Variants in DNM3 observed in about 807,000 individuals in gnomAD.
DNM3 encodes the protein dynamin 3.
Under a neutral mutation model 101.6 loss-of-function variants are expected in DNM3, and 47 were observed. The ratio of observed to expected loss-of-function variants is 0.46; its 90% CI spans 0.37 to 0.59. DNM3 has a LOEUF of 0.59. Among genes scored for constraint, DNM3 ranks in the 20% least tolerant of loss-of-function variants. The pLI is 0.00. For missense variants in DNM3, 849 were observed against 1,085.7 expected, an observed-to-expected ratio of 0.78 and a Z score of 3.06; for synonymous variants, 385 against 387.9, an observed-to-expected ratio of 0.99 and a Z score of 0.09.
At chr1:171,880,986 A>T (rs2036222594) in intron 1 of DNM3, among the ~76,000 whole-genome samples, 1 of 152,008 alleles carries the variant, frequency 6.6e-6, no homozygotes, top group Non-Finnish European at 1.5e-5. Context: ...TTTTGTGGCT[A>T]ATTTATTGGA....
intron 1 of DNM3, among the ~76,000 whole-genome samples, chr1:171,912,215 CA>C (rs1404989100): frequency 1.3e-5 from 2 of 151,914 alleles, no homozygotes. Flanking sequence ...CCCAACAGGG[CA>C]AAAACTGGTT....
intron 13 of DNM3, among the ~76,000 whole-genome samples, chr1:172,105,437 C>T (rs1315961786): frequency 1.3e-5 from 2 of 152,206 alleles, no homozygotes; most frequent in African/African-American, 2.4e-5. Flanking sequence ...GAACTCTTAA[C>T]CTAGAGTCCA....
At chr1:172,355,240 GAC>G (rs139153206) in intron 17 of DNM3, among the ~76,000 whole-genome samples, 1 of 150,528 alleles carries the variant, frequency 6.6e-6, no homozygotes, top group Non-Finnish European at 1.5e-5. Flanking sequence ...CATTTAAAAG[GAC>G]ACACACACAC....
At chr1:171,888,780 A>G (rs1342506940) in intron 1 of DNM3, among the ~76,000 whole-genome samples, 3 of 152,186 alleles carry the variant, frequency 2.0e-5, no homozygotes, top group Non-Finnish European at 4.4e-5. Context: ...TCTTGGTCAT[A>G]AGGTCTTAAA....
At chr1:172,183,061 C>T (rs147789760) in intron 14 of DNM3, among the ~76,000 whole-genome samples, 99 of 152,104 alleles carry the variant, frequency 6.5e-4, no homozygotes, top group African/African-American at 2.2e-3. Context: ...GAGCTAGGTA[C>T]AGAAAGGCAC....
intron 2 of DNM3, among the ~76,000 whole-genome samples, chr1:171,934,386 A>G (rs770638958): frequency 1.3e-5 from 2 of 152,188 alleles, no homozygotes; most frequent in Non-Finnish European, 2.9e-5. Context: ...TAATTCCACT[A>G]ATTTATGTTA....
intron 16 of DNM3, among the ~76,000 whole-genome samples, chr1:172,318,906 C>T (rs1480929317): frequency 6.6e-6 from 1 of 152,064 alleles, no homozygotes; most frequent in East Asian, 1.9e-4. Context: ...TCATGTGGAA[C>T]CAAAAAAGAG....
At chr1:172,239,801 T>TC in intron 14 of DNM3, among the ~76,000 whole-genome samples, 1 of 73,210 alleles carries the variant, frequency 1.4e-5, no homozygotes, top group South Asian at 4.5e-4. Context: ...TTTTTTTCTC[T>TC]TTTTTTTTTT....
At chr1:171,927,933 G>T (rs2040710497) in intron 2 of DNM3, among the ~76,000 whole-genome samples, 1 of 152,172 alleles carries the variant, frequency 6.6e-6, no homozygotes, top group Admixed American at 6.5e-5. Context: ...TGAGTTACTG[G>T]AGTTCTTGCT....
intron 1 of DNM3, among the ~76,000 whole-genome samples, chr1:171,867,190 A>AG (rs2034839514): frequency 6.6e-6 from 1 of 152,214 alleles, no homozygotes; most frequent in Non-Finnish European, 1.5e-5. Context: ...AAGGAGCTGA[A>AG]GGTCAGGCTT....
At chr1:171,880,233 GTATAT>G (rs2036145605) in intron 1 of DNM3, among the ~76,000 whole-genome samples, 1 of 152,022 alleles carries the variant, frequency 6.6e-6, no homozygotes, top group Non-Finnish European at 1.5e-5. Context: ...TGTAAACCTT[GTATAT>G]TACAGTCTCC....
chr1:172,295,881 G>A (rs1445321902), intron 15 of DNM3, among the ~76,000 whole-genome samples: 1 of 152,036 alleles, frequency 6.6e-6, no homozygotes, highest in African/African-American at 2.4e-5. Context: ...AATAAAAGAA[G>A]AAACAAAGAT....
intron 15 of DNM3, among the ~76,000 whole-genome samples, chr1:172,301,256 C>G (rs888637510): frequency 1.3e-5 from 2 of 152,160 alleles, no homozygotes; most frequent in Non-Finnish European, 2.9e-5. Context: ...AATTCCAGCA[C>G]TTTAGGAGGT....
chr1:172,192,129 G>A lies in DNM3; in HGVS notation c.1659+60841G>A, dbSNP rs573042031. Among the ~76,000 whole-genome samples the A allele has an allele frequency of 1.8e-3, 267 of 152,086 alleles. 1 individual carries two copies. Among genetic ancestry groups the A allele is most frequent in the African/African-American group, 6.2e-3 (257 of 41,500 alleles). On this transcript the variant is annotated intron_variant, in intron 14 of 20. Transcript: ENST00000627582. ...CCACTCAGTATGATATTGGCTGTGG[G>A]TTTGTCATAAATAGCTCTTATTATT...
chr1:171,989,018 G>A lies in DNM3; in HGVS notation c.459G>A (p.Glu153=), dbSNP rs1380147317. The A allele has an allele frequency of 1.2e-6, 2 of 1,610,248 alleles. No homozygotes were observed. The highest frequency in any genetic ancestry group is 1.7e-4 in the Middle Eastern group (1 of 6,058). ...TGGGAGATCAGCCACCAGATATCGA[G>A]TATCAGATCAGAGAAATGATTATGC... ...VPVGDQPPDI[E]YQIREMIMQF... Residue 153 remains glutamate (E), a synonymous_variant, in exon 4 of 21, where the codon GAG becomes GAA. Coordinates refer to ENST00000627582, the MANE Select transcript of DNM3 (RefSeq NM_015569.5).
chr1:171,866,891 C>CTGAGA (rs1571320296), intron 1 of DNM3, among the ~76,000 whole-genome samples: 1 of 152,118 alleles, frequency 6.6e-6, no homozygotes, highest in East Asian at 1.9e-4. Flanking sequence ...GGTGAATGTG[C>CTGAGA]TGAGATGACA....
intron 14 of DNM3, among the ~76,000 whole-genome samples, chr1:172,134,492 G>A (rs1482908549): frequency 6.6e-6 from 1 of 152,164 alleles, no homozygotes; most frequent in Non-Finnish European, 1.5e-5. Flanking sequence ...AGGCTCAAAA[G>A]AGAGTGAGTA....
At chr1:172,097,277 G>T (rs1003675597) in intron 13 of DNM3, among the ~76,000 whole-genome samples, 1 of 152,052 alleles carries the variant, frequency 6.6e-6, no homozygotes, top group African/African-American at 2.4e-5. Flanking sequence ...GCGAGTGCCT[G>T]TAATCCAAGC....
chr1:172,190,608 T>G (rs1050874401), intron 14 of DNM3, among the ~76,000 whole-genome samples: 5 of 152,208 alleles, frequency 3.3e-5, no homozygotes, highest in Non-Finnish European at 7.3e-5. Flanking sequence ...TCCACAATGG[T>G]TAAACTAGTG....
Sources: allele counts gnomAD v4.1 joint callset (sites outside exome capture counted in the v4.1 genomes callset), GRCh38; gene constraint gnomAD v4.1.1; transcripts MANE v1.5; gene names NCBI Gene and HGNC (gene_info 2026-07-23, HGNC 2026-07-21).